Variants in TRAK2 observed in about 807,000 individuals in gnomAD.
The protein encoded by TRAK2 is trafficking kinesin-binding protein 2.
A neutral mutation model predicts 104.6 loss-of-function variants in TRAK2; 81 were observed. The observed-to-expected ratio is 0.77, with a 90% confidence interval of 0.65 to 0.93. TRAK2 has a LOEUF of 0.93. Ranked by LOEUF, TRAK2 falls within the 40% of genes least tolerant of loss-of-function variation. The pLI, the probability that TRAK2 is intolerant of heterozygous loss-of-function variation, is 0.00. For synonymous variants in TRAK2, 406 were observed against 394.4 expected (o/e 1.03, Z -0.35); for missense variants, 1,002 against 1,089.0 (o/e 0.92, Z 1.12).
rs1951520768 is a variant in TRAK2, at chr2:201,398,333, G to A, written c.502C>T (p.Leu168=). 1.2e-6 allele frequency: 2 copies of A among 1,613,316 alleles called. No individual in the cohort carries two copies. Among genetic ancestry groups the A allele is most frequent in the African/African-American group, 2.7e-5 (2 of 74,890 alleles). Residue 168 remains leucine, a synonymous_variant, in exon 6 of 16, where the codon CTA becomes TTA. Transcript: ENST00000332624. ...FDQVNQLQHE[L]CKKDELLRIV... is the part of the protein sequence containing the mutation. ...CGAAGTAACTCATCTTTCTTGCATA[G>A]CTCATGCTGCAGCTGATTAACCTGT...
chr2:201,433,411 TAA>T (rs1205398005), intron 1 of TRAK2: 3 of 152,210 alleles, frequency 2.0e-5, no homozygotes, highest in Non-Finnish European at 4.4e-5. Context: ...CCATTTGACT[TAA>T]AGATAAGTAG....
intron 8 of TRAK2, 65 bp downstream of exon 8, chr2:201,395,249 T>A: frequency 7.2e-7 from 1 of 1,395,642 alleles, no homozygotes; most frequent in Non-Finnish European, 1.0e-6. Flanking sequence ...ATCTAGCACT[T>A]AGCATGGTGC....
Position 201,377,843 on chromosome 2 carries a change from T to C in TRAK2, c.*2700A>G, listed in dbSNP as rs1576499346. On this transcript the variant is annotated 3_prime_UTR_variant, in exon 16 of 16. Coordinates refer to ENST00000332624, the MANE Select transcript of TRAK2 (RefSeq NM_015049.3). ...TATTAGACAATAGGACACTCAGAAA[T>C]ACCTGAGGTATAATCACTGAAAACC... is the stretch of plus-strand genomic sequence containing the variant. The C allele has an allele frequency of 6.6e-6, 1 of 151,068 alleles. No homozygotes were observed. Among genetic ancestry groups the C allele is most frequent in the Admixed American group, 6.6e-5 (1 of 15,126 alleles). The allele number at this position is 151,068 out of a possible 1,614,324, so 9.4% of individuals were successfully genotyped here. A position where few individuals can be genotyped will look rare whatever the true frequency, so the allele number is the denominator to read the frequency against.
At chr2:201,404,178 T>G (rs1007238317) in intron 3 of TRAK2, among the ~76,000 whole-genome samples, 1 of 152,218 alleles carries the variant, frequency 6.6e-6, no homozygotes, top group African/African-American at 2.4e-5. Context: ...AACCACAGAC[T>G]AGTTCTTCAC....
intron 2 of TRAK2, among the ~76,000 whole-genome samples, chr2:201,417,191 G>A (rs777902667): frequency 3.1e-5 from 4 of 131,054 alleles, no homozygotes; most frequent in East Asian, 2.3e-4. Flanking sequence ...TTCACAACTC[G>A]TTTTACAAGG....
At chr2:201,406,059 C>G (rs1211046127) in intron 3 of TRAK2, among the ~76,000 whole-genome samples, 1 of 152,170 alleles carries the variant, frequency 6.6e-6, no homozygotes, top group Non-Finnish European at 1.5e-5. Context: ...ATAAGAAATA[C>G]TGTTCCTTCT....
chr2:201,431,045 C>T (rs1023626520), intron 1 of TRAK2, among the ~76,000 whole-genome samples: 5 of 152,130 alleles, frequency 3.3e-5, no homozygotes, highest in East Asian at 3.9e-4. Context: ...GGAGTAGATG[C>T]GGTCTGAAGA....
chr2:201,380,362 T>C lies in TRAK2; in HGVS notation c.*181A>G, dbSNP rs1951327539. On this transcript the variant is annotated 3_prime_UTR_variant, in exon 16 of 16. Coordinates refer to ENST00000332624, the MANE Select transcript of TRAK2 (RefSeq NM_015049.3). ...TGGCCCATTCATTTATACTTTCAAT[T>C]TGCCCGACTTCCTCCATTAGGGCTC... 1.5e-6 allele frequency: 1 copy of C among 650,854 alleles called. No homozygotes were observed. Among genetic ancestry groups the C allele is most frequent in the Non-Finnish European group, 2.6e-6 (1 of 380,768 alleles). The allele number at this position is 650,854 out of a possible 1,614,324, so 40.3% of individuals were successfully genotyped here.
intron 2 of TRAK2, chr2:201,411,476 T>C: frequency 1.3e-6 from 1 of 744,302 alleles, no homozygotes; most frequent in Non-Finnish European, 2.5e-6. Context: ...AAGATTTCTG[T>C]TGTTCTTGCA....
intron 10 of TRAK2, among the ~76,000 whole-genome samples, chr2:201,390,398 C>CA (rs35677800): frequency 0.6 from 77,910 of 129,976 alleles, 23,208 homozygotes; most frequent in South Asian, 0.71. Flanking sequence ...CAAAAAAATA[C>CA]AAAAAAAAAA....
chr2:201,388,896 G>T (rs1395961909), intron 12 of TRAK2, among the ~76,000 whole-genome samples: 1 of 151,752 alleles, frequency 6.6e-6, no homozygotes, highest in Admixed American at 6.6e-5. Flanking sequence ...CAGTAAAGTT[G>T]TTTACCTTCT....
intron 12 of TRAK2, 45 bp downstream of exon 12, chr2:201,389,255 A>G (rs1343400665): frequency 6.4e-7 from 1 of 1,554,502 alleles, no homozygotes; most frequent in East Asian, 2.2e-5. Context: ...CTGGTGCGGC[A>G]ATGTGAAAAG....
At chr2:201,418,429 A>G (rs1209523540) in intron 2 of TRAK2, among the ~76,000 whole-genome samples, 1 of 152,230 alleles carries the variant, frequency 6.6e-6, no homozygotes, top group East Asian at 1.9e-4. Context: ...CAACCAGATT[A>G]TACAATTTAT....
intron 2 of TRAK2, chr2:201,411,996 TG>T: frequency 2.0e-6 from 2 of 975,770 alleles, no homozygotes; most frequent in South Asian, 2.6e-5. Flanking sequence ...TTTATCTCAT[TG>T]GGAGGGGTTT....
intron 3 of TRAK2, among the ~76,000 whole-genome samples, chr2:201,405,085 G>A (rs527264829): frequency 1.3e-5 from 2 of 152,288 alleles, no homozygotes; most frequent in African/African-American, 4.8e-5. Flanking sequence ...TGGGTGATAA[G>A]GTAATCCACT....
chr2:201,434,330 C>T (rs1576536190), intron 1 of TRAK2, among the ~76,000 whole-genome samples: 1 of 152,138 alleles, frequency 6.6e-6, no homozygotes, highest in Non-Finnish European at 1.5e-5. Context: ...ACAATTTCTA[C>T]TTTTGTGCCC....
intron 1 of TRAK2, among the ~76,000 whole-genome samples, chr2:201,430,246 G>A (rs1026308984): frequency 1.3e-5 from 2 of 152,232 alleles, no homozygotes; most frequent in East Asian, 1.9e-4. Flanking sequence ...CCTCCTGGGA[G>A]GTGTCTCCCA....
intron 3 of TRAK2, among the ~76,000 whole-genome samples, chr2:201,404,906 A>G (rs1340236657): frequency 6.6e-6 from 1 of 152,090 alleles, no homozygotes; most frequent in East Asian, 1.9e-4. Flanking sequence ...TGCTGCTACG[A>G]TATAGCAAAC....
At position 201,380,549 on chromosome 2, in the gene TRAK2, C is replaced by T; in HGVS notation, c.2739G>A (p.Glu913=). 6.2e-7 allele frequency: 1 copy of T among 1,613,160 alleles called. No individual in the cohort carries two copies. The highest frequency in any genetic ancestry group is 8.5e-7 in the Non-Finnish European group (1 of 1,179,474). The part of the protein sequence containing the change: ...TSSPKMGVLK[E]D Reference sequence around the variant, plus strand: ...GTCAGTTAACTGCTGAACCTCAGTCCTCCTTCAGGACACCCATTTTGGGTG... The same window carrying T: ...GTCAGTTAACTGCTGAACCTCAGTCTTCCTTCAGGACACCCATTTTGGGTG... Residue 913 remains glutamate, a synonymous_variant, in exon 16 of 16, where the codon GAG becomes GAA. Transcript: ENST00000332624.
Sources: gnomAD v4.1 joint callset for allele counts (sites outside exome capture counted in the v4.1 genomes callset) on GRCh38, gnomAD v4.1.1 for gene constraint, MANE v1.5 for transcripts, NCBI Gene and HGNC (gene_info 2026-07-23, HGNC 2026-07-21) for gene names.